RERE: variants seen among roughly 807,000 people sequenced by gnomAD.
RERE encodes the protein arginine-glutamic acid dipeptide repeats protein.
A neutral mutation model predicts 146.1 loss-of-function variants in RERE; 40 were observed. That is an observed-to-expected ratio of 0.27 (90% CI 0.21 to 0.36). The LOEUF is 0.36. Ranked by LOEUF, RERE falls within the 10% of genes least tolerant of loss-of-function variation. The pLI is 1.00. For synonymous variants in RERE, 1,003 were observed against 866.0 expected, an observed-to-expected ratio of 1.16 and a Z score of -2.78; for missense variants, 1,933 against 2,138.7, an observed-to-expected ratio of 0.90 and a Z score of 1.90.
rs71580026 is a variant in RERE at position 8,414,055 on chromosome 1, CAAAAAA to C, written c.1284+8666_1284+8671del. Reference sequence around the variant, plus strand: ...GGGCAACAAGAGTGAAACTCCATCTCAAAAAAAAAAAAAAAAAAGAAATGAGGGGAC... The same window carrying C: ...GGGCAACAAGAGTGAAACTCCATCTCAAAAAAAAAAAAGAAATGAGGGGAC... On this transcript the variant is annotated intron_variant, in intron 12 of 22. Transcript: ENST00000400908. Among the ~76,000 whole-genome samples, 518 of 91,738 alleles carry C rather than the reference CAAAAAA, an allele frequency of 5.6e-3. 5 individuals carry two copies. Among genetic ancestry groups the C allele is most frequent in the African/African-American group, 0.023 (495 of 21,984 alleles). 60.2% of individuals were successfully genotyped at this position (91,738 alleles called of 152,430 possible).
At chr1:8,686,731 CAA>C (rs933259873) in intron 1 of RERE, among the ~76,000 whole-genome samples, 1 of 151,658 alleles carries the variant, frequency 6.6e-6, no homozygotes, top group Non-Finnish European at 1.5e-5. Context: ...GCCTAGGCGA[CAA>C]GAGCGAAACT....
intron 4 of RERE, among the ~76,000 whole-genome samples, chr1:8,577,094 G>T (rs985634107): frequency 3.3e-5 from 5 of 151,812 alleles, no homozygotes; most frequent in Non-Finnish European, 2.9e-5. Flanking sequence ...GCGTGAACCC[G>T]GGAGGCGGAG....
chr1:8,364,844 C>T lies in RERE; in HGVS notation c.1448-6G>A, dbSNP rs200248554. On this transcript the variant is annotated splice_region_variant and splice_polypyrimidine_tract_variant and intron_variant, in intron 13 of 22. Transcript: ENST00000400908. This position sits in a 1 kb window ranked among gnomAD's most constrained non-coding sequence, Gnocchi z 5.1. ...ACTGGCTGAACTTAGGTCCACTGGG[C>T]GTGGCAGGCACATAGTGGGGGTGGG... The T allele has an allele frequency of 1.7e-5, 23 of 1,351,964 alleles. No individual in the cohort carries two copies. The highest frequency in any genetic ancestry group is 6.9e-5 in the African/African-American group (4 of 57,574). The allele number at this position is 1,351,964 out of a possible 1,614,324, so 83.7% of individuals were successfully genotyped here. A position where few individuals can be genotyped will look rare whatever the true frequency, so the allele number is the denominator to read the frequency against.
intron 4 of RERE, among the ~76,000 whole-genome samples, chr1:8,584,163 T>C (rs1214431708): frequency 6.6e-6 from 1 of 152,010 alleles, no homozygotes; most frequent in Non-Finnish European, 1.5e-5. Flanking sequence ...TGAACACAGC[T>C]GGCAATGTCT....
intron 10 of RERE, among the ~76,000 whole-genome samples, chr1:8,477,806 GTT>G: frequency 6.6e-6 from 1 of 152,186 alleles, no homozygotes; most frequent in Admixed American, 6.5e-5. Context: ...TGATTCTAAG[GTT>G]ATGCAAACAA....
intron 7 of RERE, chr1:8,525,808 C>G (rs1645563466): frequency 1.3e-6 from 2 of 1,581,586 alleles, no homozygotes; most frequent in Non-Finnish European, 1.7e-6. Flanking sequence ...TCTGGTGAGT[C>G]TAGCTGGATT....
At position 8,352,901 on chromosome 1, in the gene RERE, C is replaced by T. The variant is rs918441199; in HGVS notation, c.*2186G>A. 7.2e-5 allele frequency: 11 copies of T among 152,528 alleles called. No homozygotes were observed. Among genetic ancestry groups the T allele is most frequent in the African/African-American group, 2.2e-4 (9 of 41,410 alleles). The allele number at this position is 152,528 out of a possible 1,614,324, so 9.4% of individuals were successfully genotyped here. On this transcript the variant is annotated 3_prime_UTR_variant, in exon 23 of 23. Transcript: ENST00000400908. ...TTTCAAGCACAGACCTCAGAGGACTCGACTCTTCTTTGGAAAAATGGATGC... is the reference window on the plus strand; with the variant it reads ...TTTCAAGCACAGACCTCAGAGGACTTGACTCTTCTTTGGAAAAATGGATGC...
chr1:8,675,495 C>CAAAAAAAAAAAAA (rs56912804), intron 1 of RERE, among the ~76,000 whole-genome samples: 1 of 90,218 alleles, frequency 1.1e-5, no homozygotes. Flanking sequence ...CCCATCTCTA[C>CAAAAAAAAAAAAA]AAAAAAAAAA....
At chr1:8,710,794 C>T (rs1006494349) in intron 1 of RERE, among the ~76,000 whole-genome samples, 2 of 152,076 alleles carry the variant, frequency 1.3e-5, no homozygotes, top group East Asian at 1.9e-4. Flanking sequence ...GGATTACAGG[C>T]GTGAGCCACC....
At chr1:8,485,233 T>C (rs1644883713) in intron 10 of RERE, among the ~76,000 whole-genome samples, 1 of 152,120 alleles carries the variant, frequency 6.6e-6, no homozygotes, top group African/African-American at 2.4e-5. Context: ...TGGTGCCGCA[T>C]GTCTGTAATC....
At chr1:8,789,471 G>A (rs189578188) in intron 1 of RERE, among the ~76,000 whole-genome samples, 42 of 151,150 alleles carry the variant, frequency 2.8e-4, no homozygotes, top group Admixed American at 2.6e-3. Context: ...ATTTTAACAC[G>A]TCACACAGAT....
Position 8,548,756 on chromosome 1 carries a change from G to A in RERE, c.726-7438C>T, listed in dbSNP as rs573080317. Among the ~76,000 whole-genome samples, 11 of 152,230 alleles carry A rather than the reference G, an allele frequency of 7.2e-5. 1 individual carries two copies. Among genetic ancestry groups the A allele is most frequent in the East Asian group, 3.9e-4 (2 of 5,180 alleles). ...TCCCAGCACCTCGGGAGGCTGAGGC[G>A]GGTGGATCCGGAGGTCAGGAGCTCA... On this transcript the variant is annotated intron_variant, in intron 6 of 22. Transcript: ENST00000400908.
intron 12 of RERE, among the ~76,000 whole-genome samples, chr1:8,418,363 A>T (rs1643834741): frequency 6.6e-6 from 1 of 152,238 alleles, no homozygotes; most frequent in African/African-American, 2.4e-5. Flanking sequence ...CAGCCAAAGC[A>T]TGTCCCCTTT....
intron 1 of RERE, among the ~76,000 whole-genome samples, chr1:8,777,871 AAAAATAAAAGTATATGGTT>A (rs1641097908): frequency 6.7e-6 from 1 of 148,166 alleles, no homozygotes; most frequent in Non-Finnish European, 1.5e-5. Context: ...TATATGGTAT[AAAAATAAAAGTATATGGTT>A]AAAAAAAAAA....
At chr1:8,720,795 C>T (rs1458220762) in intron 1 of RERE, among the ~76,000 whole-genome samples, 3 of 152,200 alleles carry the variant, frequency 2.0e-5, no homozygotes, top group African/African-American at 4.8e-5. Flanking sequence ...GTGGCTCACG[C>T]CTGTAATCCC....
chr1:8,681,949 T>TA (rs1553132926), intron 1 of RERE, among the ~76,000 whole-genome samples: 1 of 152,186 alleles, frequency 6.6e-6, no homozygotes, highest in Non-Finnish European at 1.5e-5. Context: ...AATAAGCACT[T>TA]AAGTACAATA....
At chr1:8,500,368 G>C (rs1645114239) in intron 8 of RERE, among the ~76,000 whole-genome samples, 1 of 152,358 alleles carries the variant, frequency 6.6e-6, no homozygotes, top group Non-Finnish European at 1.5e-5. Context: ...AAACGAAAAT[G>C]CCTCTTAATC....
At chr1:8,715,882 G>A (rs1490271982) in intron 1 of RERE, among the ~76,000 whole-genome samples, 1 of 144,362 alleles carries the variant, frequency 6.9e-6, no homozygotes, top group Admixed American at 6.9e-5. Context: ...CAGCCTGGAT[G>A]ACAGAGCAAG....
chr1:8,576,948 T>A (rs561255708), intron 4 of RERE, among the ~76,000 whole-genome samples: 166 of 152,276 alleles, frequency 1.1e-3, no homozygotes, highest in African/African-American at 3.9e-3. Context: ...GGCAGGCAGA[T>A]CACAAGGTCA....
Sources: gnomAD v4.1 joint callset for allele counts (sites outside exome capture counted in the v4.1 genomes callset) on GRCh38, gnomAD v4.1.1 for gene constraint, Gnocchi (gnomAD v3.1) non-coding constraint, MANE v1.5 for transcripts, NCBI Gene and HGNC (gene_info 2026-07-23, HGNC 2026-07-21) for gene names.